GMIP: variants seen among roughly 807,000 people sequenced by gnomAD.
GMIP encodes the protein GEM interacting protein, also known as GEM-interacting protein.
Under a neutral mutation model 105.3 loss-of-function variants are expected in GMIP, and 54 were observed. The ratio of observed to expected loss-of-function variants is 0.51; its 90% confidence interval spans 0.41 to 0.64. GMIP has a LOEUF of 0.64. GMIP is among the 30% of genes least tolerant of loss of function. The pLI, the probability that GMIP is intolerant of heterozygous loss-of-function variation, is 0.00. For synonymous variants in GMIP, 541 were observed against 560.8 expected (o/e 0.96, Z 0.50); for missense variants, 1,110 against 1,319.4 (o/e 0.84, Z 2.46).
In GMIP at chr19:19,641,836, G is replaced by A. The variant is rs746099613; in HGVS notation, c.212C>T (p.Ser71Phe). The change falls in exon 4 of 21, where the codon TCC becomes TTC. Residue 71 changes from serine (S) to phenylalanine (F), a missense_variant. By Grantham distance (155) the Ser-to-Phe change is radical. This residue lies in a region of GMIP where 667 missense variants were observed against 773.2 expected (regional missense o/e 0.86). Transcript: ENST00000203556. ...TGTGAGGGGTACAGGACCCTCTGGG[G>A]AGGGGCCGCTCCAACAGCTGGCTTC... The part of the protein sequence containing the change: ...TNEASCWSGP[S>F]PEGPVPLTGE... 2 of 1,612,648 alleles carry A rather than the reference G, an allele frequency of 1.2e-6. No individual in the cohort carries two copies. The highest frequency in any genetic ancestry group is 4.5e-5 in the East Asian group (2 of 44,880).
At chr19:19,643,230 GC>G (rs1006986985) in intron 1 of GMIP, 2 of 433,738 alleles carry the variant, frequency 4.6e-6, no homozygotes, top group African/African-American at 4.1e-5. Context: ...GTGGCACCCT[GC>G]CCCCATCACA....
intron 2 of GMIP, 152 bp from the exon 3 acceptor site, chr19:19,642,203 G>C: frequency 1.7e-6 from 1 of 602,984 alleles, no homozygotes; most frequent in Non-Finnish European, 2.9e-6. Context: ...GGGGGAATCA[G>C]GTGAGTTTTT....
chr19:19,640,274 G>C (rs200084406), intron 6 of GMIP, 22 bp downstream of exon 6: 12 of 1,604,446 alleles, frequency 7.5e-6, no homozygotes, highest in Admixed American at 1.7e-5. Context: ...TGGGCTCTCC[G>C]GGGGGGTCTG....
In GMIP at chr19:19,636,612, G is replaced by T. The variant is rs547134943; in HGVS notation, c.1327+95C>A. ...GTCAGGGGTGTGGGGTAGGTCAGAG[G>T]TCAAAGATAGTTAAAGATTGAGGGT... On this transcript the variant is annotated intron_variant, in intron 13 of 20. Coordinates refer to ENST00000203556, the MANE Select transcript of GMIP (RefSeq NM_016573.4). 5 of 903,528 alleles carry T rather than the reference G, an allele frequency of 5.5e-6. No homozygotes were observed. In the South Asian group the frequency reaches 6.5e-5, roughly 12 times the overall value. The allele number at this position is 903,528 out of a possible 1,614,324, so 56.0% of individuals were successfully genotyped here. A position where few individuals can be genotyped will look rare whatever the true frequency, so the allele number is the denominator to read the frequency against.
intron 19 of GMIP, among the ~76,000 whole-genome samples, chr19:19,632,524 T>C (rs1447168206): frequency 6.6e-6 from 1 of 152,150 alleles, no homozygotes; most frequent in African/African-American, 2.4e-5. Context: ...CACAGTGAGA[T>C]TCTGTCTCCA....
chr19:19,642,216 T>A (rs184510865), intron 2 of GMIP, among the ~76,000 whole-genome samples, 165 bp from the exon 3 acceptor site: 46 of 152,236 alleles, frequency 3.0e-4, no homozygotes, highest in Admixed American at 1.7e-3. Flanking sequence ...GAGTTTTTTT[T>A]AAATAGGACT....
In GMIP at chr19:19,638,304, C is replaced by T; in HGVS notation, c.644G>A (p.Arg215His). 2 of 1,612,966 alleles carry T rather than the reference C, an allele frequency of 1.2e-6. No individual in the cohort carries two copies. Among genetic ancestry groups the T allele is most frequent in the Non-Finnish European group, 1.7e-6 (2 of 1,179,992 alleles). ...GCGTTGCACATACTGCAGCTGGGCGCGCCGCAGTGCCTGCACCGCCTCATT... is the reference window on the plus strand; with the variant it reads ...GCGTTGCACATACTGCAGCTGGGCGTGCCGCAGTGCCTGCACCGCCTCATT... ...RMNEAVQALRRAQLQYVQRSE... is the reference protein window; with the variant it reads ...RMNEAVQALRHAQLQYVQRSE... Residue 215 changes from arginine (R) to histidine (H), a missense_variant, in exon 9 of 21, where the codon CGC becomes CAC. Coordinates refer to ENST00000203556, the MANE Select transcript of GMIP (RefSeq NM_016573.4).
Position 19,641,862 on chromosome 19 carries a change from G to A in GMIP, c.186C>T (p.Asn62=), listed in dbSNP as rs776502509. 25 of 1,613,206 alleles carry A rather than the reference G, an allele frequency of 1.5e-5. No homozygotes were observed. Among genetic ancestry groups the A allele is most frequent in the African/African-American group, 1.3e-4 (10 of 74,900 alleles). Residue 62 remains asparagine (N), a synonymous_variant, in exon 4 of 21, where the codon AAC becomes AAT. Transcript: ENST00000203556. ...AGGGGCCGCTCCAACAGCTGGCTTC[G>A]TTGGTCTGTGCGGGAGGGAGACAGT... ...PDKTPTATVT[N]EASCWSGPSP...
chr19:19,634,582 G>A lies in GMIP; in HGVS notation c.2009C>T (p.Ser670Leu), dbSNP rs767621141. 15 of 1,613,436 alleles carry A rather than the reference G, an allele frequency of 9.3e-6. No homozygotes were observed. Among genetic ancestry groups the A allele is most frequent in the South Asian group, 2.2e-5 (2 of 91,064 alleles). The change falls in exon 18 of 21, where the codon TCG becomes TTG. Residue 670 changes from serine (S) to leucine (L), a missense_variant. Physicochemically the swap from Ser to Leu is moderately radical, Grantham distance 145 (BLOSUM62 -2). This residue lies in a region of GMIP where 394 missense variants were observed against 450.5 expected (regional missense o/e 0.87). Coordinates refer to ENST00000203556, the MANE Select transcript of GMIP (RefSeq NM_016573.4). This position sits in a 1 kb window ranked among gnomAD's most constrained non-coding sequence, Gnocchi z 6.1. ...TPSPSPEVIR[S>L]LKTLLVQLPD... ...CAGCTGTACCAAGAGGGTCTTCAGC[G>A]AGCGGATAACCTCAGGGCTGGGGCT...
Position 19,637,158 on chromosome 19 carries a change from G to T in GMIP, c.1125-129C>A, listed in dbSNP as rs2061863668. On this transcript the variant is annotated intron_variant, in intron 11 of 20. Transcript: ENST00000203556. This position sits in a 1 kb window ranked among gnomAD's most constrained non-coding sequence, Gnocchi z 6.7. ...AAACCCTGACACCCAGGGCATTGTG[G>T]CCCCTGAAATACAGTAGCCCCACAT... The T allele has an allele frequency of 5.7e-6, 4 of 697,630 alleles. No homozygotes were observed. The South Asian group carries it at 7.4e-5, about 13-fold the overall frequency. The allele number at this position is 697,630 out of a possible 1,614,324, so 43.2% of individuals were successfully genotyped here. A position where few individuals can be genotyped will look rare whatever the true frequency, so the allele number is the denominator to read the frequency against.
intron 4 of GMIP, 147 bp downstream of exon 4, chr19:19,641,663 C>T: frequency 1.4e-6 from 1 of 718,568 alleles, no homozygotes; most frequent in Non-Finnish European, 2.5e-6. Flanking sequence ...TGGGGTCTCC[C>T]TGAGGGCTGG....
rs757651716 is a variant in GMIP at position 19,633,908 on chromosome 19, C to A, written c.2367G>T (p.Pro789=). ...PLTTSSQPPP[P]HLDPDSQPPV... is the part of the protein sequence containing the mutation. ...GGGGCTGGGAGTCTGGGTCAAGGTGCGGGGGTGGCGGTTGGGAGCTGGTTG... is the reference window on the plus strand; with the variant it reads ...GGGGCTGGGAGTCTGGGTCAAGGTGAGGGGGTGGCGGTTGGGAGCTGGTTG... The change falls in exon 19 of 21, where the codon CCG becomes CCT. Residue 789 remains proline (P), a synonymous_variant. Coordinates refer to ENST00000203556, the MANE Select transcript of GMIP (RefSeq NM_016573.4). The A allele has an allele frequency of 6.2e-6, 7 of 1,132,430 alleles. No homozygotes were observed. Among genetic ancestry groups the A allele is most frequent in the African/African-American group, 3.2e-5 (1 of 31,376 alleles). 70.1% of individuals were successfully genotyped at this position (1,132,430 alleles called of 1,614,324 possible).
rs1383591535 is a variant in GMIP at position 19,640,565 on chromosome 19, T to A, written c.245A>T (p.Glu82Val). Residue 82 changes from glutamate to valine, a missense_variant, in exon 5 of 21, where the codon GAA becomes GTA. Around this residue, in one of 3 missense-constraint regions of GMIP, gnomAD observed 667 missense variants for 773.2 expected, o/e 0.86. Transcript: ENST00000203556. ...PEGPVPLTGE[E>V]LDLRLIRTKG... ...TGTCCGAATGAGCCGCAAGTCCAGT[T>A]CCTCCCCTGGGGAAGATGGATGGAC... 1.9e-6 allele frequency: 3 copies of A among 1,613,762 alleles called. No individual in the cohort carries two copies. The highest frequency in any genetic ancestry group is 1.1e-5 in the South Asian group (1 of 91,070).
In GMIP at chr19:19,637,098, A is replaced by C; in HGVS notation, c.1125-69T>G. Reference sequence around the variant, plus strand: ...CCTGGGGTGATGGCACCCAGGCATCATGTCTAGGTACCAACTCCAAGCACT... The same window carrying C: ...CCTGGGGTGATGGCACCCAGGCATCCTGTCTAGGTACCAACTCCAAGCACT... On this transcript the variant is annotated intron_variant, in intron 11 of 20. Transcript: ENST00000203556. The surrounding 1 kb of genome is among the most constrained non-coding windows in gnomAD (Gnocchi z 6.7). 9.7e-7 allele frequency: 1 copy of C among 1,033,838 alleles called. No homozygotes were observed. The highest frequency in any genetic ancestry group is 1.5e-6 in the Non-Finnish European group (1 of 684,534). 64.0% of individuals were successfully genotyped at this position (1,033,838 alleles called of 1,614,324 possible).
At position 19,634,413 on chromosome 19, in the gene GMIP, G is replaced by T; in HGVS notation, c.2084+94C>A. The stretch of plus-strand genomic sequence containing the variant: ...AGAGTTCAGAAAACACAGGTCAAAG[G>T]TCAGAGGTCAGTGTCAGGGGTCAGC... On this transcript the variant is annotated intron_variant, in intron 18 of 20. Transcript: ENST00000203556. This position sits in a 1 kb window ranked among gnomAD's most constrained non-coding sequence, Gnocchi z 6.1. 8.6e-7 allele frequency: 1 copy of T among 1,159,878 alleles called. No individual in the cohort carries two copies. Among genetic ancestry groups the T allele is most frequent in the East Asian group, 2.3e-5 (1 of 42,688 alleles). 71.8% of individuals were successfully genotyped at this position (1,159,878 alleles called of 1,614,324 possible).
Position 19,629,889 on chromosome 19 carries a change from G to T in GMIP, c.*74C>A. 1 of 1,434,224 alleles carries T rather than the reference G, an allele frequency of 7.0e-7. No homozygotes were observed. Among genetic ancestry groups the T allele is most frequent in the Non-Finnish European group, 9.4e-7 (1 of 1,062,404 alleles). The allele number at this position is 1,434,224 out of a possible 1,614,324, so 88.8% of individuals were successfully genotyped here. On this transcript the variant is annotated 3_prime_UTR_variant, in exon 21 of 21. Coordinates refer to ENST00000203556, the MANE Select transcript of GMIP (RefSeq NM_016573.4). ...CTCCTGGCGGGGTGTTTGGCCACTA[G>T]GTGGTGGGAGGTAGGGATATATGGG...
Position 19,634,151 on chromosome 19 carries a change from G to A in GMIP, c.2124C>T (p.Asn708=). ...ARFMENKMSA[N]NLGIVFGPTL... is the part of the protein sequence containing the mutation. ...TCGGCCCAAACACAATGCCCAGGTTGTTGGCAGACATCTTGTTTTCCATAA... is the reference window on the plus strand; with the variant it reads ...TCGGCCCAAACACAATGCCCAGGTTATTGGCAGACATCTTGTTTTCCATAA... The change falls in exon 19 of 21, where the codon AAC becomes AAT. Residue 708 remains asparagine, a synonymous_variant. Coordinates refer to ENST00000203556, the MANE Select transcript of GMIP (RefSeq NM_016573.4). The surrounding 1 kb of genome is among the most constrained non-coding windows in gnomAD (Gnocchi z 6.1). 1 of 1,607,726 alleles carries A rather than the reference G, an allele frequency of 6.2e-7. No individual in the cohort carries two copies. Among genetic ancestry groups the A allele is most frequent in the Non-Finnish European group, 8.5e-7 (1 of 1,175,960 alleles).
chr19:19,632,777 C>T (rs1269693186), intron 19 of GMIP, among the ~76,000 whole-genome samples: 1 of 152,154 alleles, frequency 6.6e-6, no homozygotes, highest in Non-Finnish European at 1.5e-5. Context: ...TGGGCCCACT[C>T]CTCTTTGGTA....
intron 1 of GMIP, chr19:19,643,130 C>T: frequency 3.8e-6 from 1 of 263,856 alleles, no homozygotes; most frequent in East Asian, 7.1e-5. Context: ...GCCCCCTCTC[C>T]TAAGGGGCCT....
Sources: allele counts gnomAD v4.1 joint callset (sites outside exome capture counted in the v4.1 genomes callset), GRCh38; gene constraint gnomAD v4.1.1; regional missense constraint gnomAD v4.1.1; non-coding constraint Gnocchi (gnomAD v3.1); transcripts MANE v1.5; gene names NCBI Gene and HGNC (gene_info 2026-07-23, HGNC 2026-07-21).